EFNA3: variants seen among roughly 807,000 people sequenced by gnomAD.
EFNA3 encodes ephrin A3, also known as ephrin-A3.
A neutral mutation model predicts 25.0 loss-of-function variants in EFNA3; 15 were observed. That is an observed-to-expected ratio of 0.60 (90% confidence interval 0.40 to 0.92). The LOEUF is 0.92. Among genes scored for constraint, EFNA3 ranks in the 40% least tolerant of loss-of-function variants. The pLI is 0.00. For synonymous variants in EFNA3, 153 were observed against 145.6 expected (o/e 1.05, Z -0.37); for missense variants, 298 against 323.8 (o/e 0.92, Z 0.61).
Position 155,086,527 on chromosome 1 carries a change from C to G in EFNA3, c.701C>G (p.Thr234Arg). 6.2e-7 allele frequency: 1 copy of G among 1,613,840 alleles called. No homozygotes were observed. Among genetic ancestry groups the G allele is most frequent in the South Asian group, 1.1e-5 (1 of 91,072 alleles). ...GTGGGCATCGCCTTCTTCCTCATGA[C>G]GTTCTTGGCCTCCTAGCTCTGCCCC... ...LAVGIAFFLMTFLAS is the reference protein window; with the variant it reads ...LAVGIAFFLMRFLAS The change falls in exon 5 of 5, where the codon ACG becomes AGG. Residue 234 changes from threonine to arginine, a missense_variant. Thr to Arg is a moderately conservative substitution (Grantham distance 71). Coordinates refer to ENST00000368408, the MANE Select transcript of EFNA3 (RefSeq NM_004952.5).
rs548217606 is a variant in EFNA3, at chr1:155,079,565, G to A, written c.128+496G>A. ...GCACCTCCCTAGAAGGAAGGCGAAT[G>A]GGTTGTCTTGGTTGTGTGGATAAGC... On this transcript the variant is annotated intron_variant, in intron 1 of 4. Coordinates refer to ENST00000368408, the MANE Select transcript of EFNA3 (RefSeq NM_004952.5). This position sits in a 1 kb window ranked among gnomAD's most constrained non-coding sequence, Gnocchi z 7.7. 6.6e-6 allele frequency among the ~76,000 whole-genome samples: 1 copy of A among 152,280 alleles called. No individual in the cohort carries two copies. The highest frequency in any genetic ancestry group is 2.4e-5 in the African/African-American group (1 of 41,558).
At chr1:155,086,103 T>TGCCC in intron 3 of EFNA3, 25 bp from the exon 4 acceptor site, 268 of 1,576,846 alleles carry the variant, frequency 1.7e-4, no homozygotes, top group Non-Finnish European at 2.2e-4. Context: ...CCCTCCTCTC[T>TGCCC]CCCCACCCGC....
chr1:155,085,741 G>A lies in EFNA3; in HGVS notation c.443-136G>A, dbSNP rs1663441355. 1 of 1,020,206 alleles carries A rather than the reference G, an allele frequency of 9.8e-7. No homozygotes were observed. Among genetic ancestry groups the A allele is most frequent in the Non-Finnish European group, 1.5e-6 (1 of 687,138 alleles). 63.2% of individuals were successfully genotyped at this position (1,020,206 alleles called of 1,614,324 possible). A position where few individuals can be genotyped will look rare whatever the true frequency, so the allele number is the denominator to read the frequency against. ...GCCGACGGCAGAGCTAAAGTGACCC[G>A]TGTCCAAAGGGTAGGGGAGCTCCTG... On this transcript the variant is annotated intron_variant, in intron 2 of 4. Transcript: ENST00000368408. This position sits in a 1 kb window ranked among gnomAD's most constrained non-coding sequence, Gnocchi z 4.4.
At position 155,080,967 on chromosome 1, in the gene EFNA3, GGA is replaced by G. The variant is rs1663331758; in HGVS notation, c.128+1902_128+1903del. ...AGCGACGTGCTCCGGAGCCGAGAAT[GGA>G]GAGGGCCGGGGAGCTGGGGGCGGGG... On this transcript the variant is annotated intron_variant, in intron 1 of 4. Transcript: ENST00000368408. The surrounding 1 kb of genome is among the most constrained non-coding windows in gnomAD (Gnocchi z 7.0). Among the ~76,000 whole-genome samples the G allele has an allele frequency of 6.6e-6, 1 of 152,080 alleles. No homozygotes were observed. Among genetic ancestry groups the G allele is most frequent in the South Asian group, 2.1e-4 (1 of 4,818 alleles).
Position 155,086,561 on chromosome 1 carries a change from G to GT in EFNA3, c.*18_*19insT, listed in dbSNP as rs777341003. 3.9e-5 allele frequency: 63 copies of GT among 1,612,054 alleles called. No homozygotes were observed. The African/African-American group carries it at 7.2e-4, about 18-fold the overall frequency. The stretch of plus-strand genomic sequence containing the variant: ...CCTCCTAGCTCTGCCCCCTCCCCTG[G>GT]GGGGGGAGAGATGGGGCGGGGCTTG... On this transcript the variant is annotated 3_prime_UTR_variant, in exon 5 of 5. Transcript: ENST00000368408.
intron 4 of EFNA3, 55 bp from the exon 5 acceptor site, chr1:155,086,358 C>A: frequency 6.2e-7 from 1 of 1,606,440 alleles, no homozygotes; most frequent in Non-Finnish European, 8.5e-7. Context: ...GCCGCGTGCC[C>A]CTGCCCTGGC....
rs1041348185 is a variant in EFNA3, at chr1:155,080,154, C to G, written c.128+1085C>G. On this transcript the variant is annotated intron_variant, in intron 1 of 4. Coordinates refer to ENST00000368408, the MANE Select transcript of EFNA3 (RefSeq NM_004952.5). The surrounding 1 kb of genome is among the most constrained non-coding windows in gnomAD (Gnocchi z 7.0). Reference sequence around the variant, plus strand: ...CGCGGGGGTCACTGTCACACCTGCCCGGGCGGTGGCGGCAGCACTGCCTCT... The same window carrying G: ...CGCGGGGGTCACTGTCACACCTGCCGGGGCGGTGGCGGCAGCACTGCCTCT... 3.9e-5 allele frequency among the ~76,000 whole-genome samples: 6 copies of G among 152,236 alleles called. No individual in the cohort carries two copies. The highest frequency in any genetic ancestry group is 6.8e-3 in the Middle Eastern group (2 of 294).
Position 155,081,884 on chromosome 1 carries a change from C to T in EFNA3, c.128+2815C>T, listed in dbSNP as rs1447208863. On this transcript the variant is annotated intron_variant, in intron 1 of 4. Coordinates refer to ENST00000368408, the MANE Select transcript of EFNA3 (RefSeq NM_004952.5). This position sits in a 1 kb window ranked among gnomAD's most constrained non-coding sequence, Gnocchi z 5.2. ...TCACTCCGTCTCTGTGTCTCGCTTT[C>T]GGCAGGTCTCTCGCTCCTCTCCGCC... Among the ~76,000 whole-genome samples, 2 of 152,236 alleles carry T rather than the reference C, an allele frequency of 1.3e-5. No homozygotes were observed. The highest frequency in any genetic ancestry group is 2.9e-5 in the Non-Finnish European group (2 of 68,044).
chr1:155,086,103 T>TCCCCCCCCCCACCCCCCCCCCC, intron 3 of EFNA3, 25 bp from the exon 4 acceptor site: 1 of 1,577,732 alleles, frequency 6.3e-7, no homozygotes, highest in Non-Finnish European at 8.7e-7. Context: ...CCCTCCTCTC[T>TCCCCCCCCCCACCCCCCCCCCC]CCCCACCCGC....
rs1315049312 is a variant in EFNA3, at chr1:155,085,846, G to A, written c.443-31G>A. 1 of 1,610,828 alleles carries A rather than the reference G, an allele frequency of 6.2e-7. No individual in the cohort carries two copies. On this transcript the variant is annotated intron_variant, in intron 2 of 4. Coordinates refer to ENST00000368408, the MANE Select transcript of EFNA3 (RefSeq NM_004952.5). The surrounding 1 kb of genome is among the most constrained non-coding windows in gnomAD (Gnocchi z 4.4). Reference sequence around the variant, plus strand: ...GGGAGGGCACAGGCACACATTGGGCGAAAGTGACTCAGGCCCGGTCTCCTC... The same window carrying A: ...GGGAGGGCACAGGCACACATTGGGCAAAAGTGACTCAGGCCCGGTCTCCTC...
Position 155,079,709 on chromosome 1 carries a change from TCACA to T in EFNA3, c.128+644_128+647del, listed in dbSNP as rs1663304629. Among the ~76,000 whole-genome samples the T allele has an allele frequency of 6.6e-6, 1 of 152,114 alleles. No homozygotes were observed. Among genetic ancestry groups the T allele is most frequent in the Non-Finnish European group, 1.5e-5 (1 of 67,946 alleles). ...AAGGCGGCAGAGAGATGTCGGTGTGTCACACACGCACACACACGCCCGGGCTGGG... is the reference window on the plus strand; with the variant it reads ...AAGGCGGCAGAGAGATGTCGGTGTGTCACGCACACACACGCCCGGGCTGGG... On this transcript the variant is annotated intron_variant, in intron 1 of 4. Transcript: ENST00000368408. The surrounding 1 kb of genome is among the most constrained non-coding windows in gnomAD (Gnocchi z 7.7).
Position 155,081,732 on chromosome 1 carries a change from C to G in EFNA3, c.128+2663C>G, listed in dbSNP as rs1467524515. ...CCTGTCTCTCCTGTTCTCCAAGACT[C>G]TCGGTTCTCGTTCTCTTCCCTGCCT... On this transcript the variant is annotated intron_variant, in intron 1 of 4. Transcript: ENST00000368408. The surrounding 1 kb of genome is among the most constrained non-coding windows in gnomAD (Gnocchi z 5.2). 6.6e-6 allele frequency among the ~76,000 whole-genome samples: 1 copy of G among 152,136 alleles called. No individual in the cohort carries two copies. The highest frequency in any genetic ancestry group is 1.5e-5 in the Non-Finnish European group (1 of 68,018).
rs991179004 is a variant in EFNA3, at chr1:155,080,392, G to A, written c.128+1323G>A. Among the ~76,000 whole-genome samples, 3 of 152,234 alleles carry A rather than the reference G, an allele frequency of 2.0e-5. No homozygotes were observed. The highest frequency in any genetic ancestry group is 2.1e-4 in the South Asian group (1 of 4,826). On this transcript the variant is annotated intron_variant, in intron 1 of 4. Coordinates refer to ENST00000368408, the MANE Select transcript of EFNA3 (RefSeq NM_004952.5). The surrounding 1 kb of genome is among the most constrained non-coding windows in gnomAD (Gnocchi z 7.0). Reference sequence around the variant, plus strand: ...CTGGGGGTGGGGATGAGCCAACGACGCCCCCCTCTCGCTTCCCATGGAAAC... The same window carrying A: ...CTGGGGGTGGGGATGAGCCAACGACACCCCCCTCTCGCTTCCCATGGAAAC...
rs1571664537 is a variant in EFNA3, at chr1:155,085,549, G to A, written c.442+145G>A. The A allele has an allele frequency of 9.8e-7, 1 of 1,024,732 alleles. No homozygotes were observed. The highest frequency in any genetic ancestry group is 1.4e-6 in the Non-Finnish European group (1 of 722,846). The allele number at this position is 1,024,732 out of a possible 1,614,324, so 63.5% of individuals were successfully genotyped here. ...GACCAGGGAGGAGGCGTGGGCACGGGACGCCTGAGGGGTTCAGCTCAGACG... is the reference window on the plus strand; with the variant it reads ...GACCAGGGAGGAGGCGTGGGCACGGAACGCCTGAGGGGTTCAGCTCAGACG... On this transcript the variant is annotated intron_variant, in intron 2 of 4. Coordinates refer to ENST00000368408, the MANE Select transcript of EFNA3 (RefSeq NM_004952.5). This position sits in a 1 kb window ranked among gnomAD's most constrained non-coding sequence, Gnocchi z 4.4.
chr1:155,086,707 C>T lies in EFNA3; in HGVS notation c.*164C>T, dbSNP rs1383833329. 2.4e-6 allele frequency: 2 copies of T among 845,408 alleles called. No homozygotes were observed. Among genetic ancestry groups the T allele is most frequent in the East Asian group, 2.7e-5 (1 of 37,218 alleles). The allele number at this position is 845,408 out of a possible 1,614,324, so 52.4% of individuals were successfully genotyped here. A position where few individuals can be genotyped will look rare whatever the true frequency, so the allele number is the denominator to read the frequency against. ...TGTCCGCCCCCTCTACCCCTTCCCCCCACGTAGGGCACTGTAGTGGACCAA... is the reference window on the plus strand; with the variant it reads ...TGTCCGCCCCCTCTACCCCTTCCCCTCACGTAGGGCACTGTAGTGGACCAA... On this transcript the variant is annotated 3_prime_UTR_variant, in exon 5 of 5. Coordinates refer to ENST00000368408, the MANE Select transcript of EFNA3 (RefSeq NM_004952.5).
At position 155,078,856 on chromosome 1, in the gene EFNA3, A is replaced by ACGG. The variant is rs1663281132; in HGVS notation, c.-78_-76dup. The stretch of plus-strand genomic sequence containing the variant: ...GGGCGTGGCCTAAGGCTGGGGGCCG[A>ACGG]CGGCGGCGGCAGCAGGGAGCTGGGA... On this transcript the variant is annotated 5_prime_UTR_variant, in exon 1 of 5. Coordinates refer to ENST00000368408, the MANE Select transcript of EFNA3 (RefSeq NM_004952.5). 5.4e-6 allele frequency: 7 copies of ACGG among 1,296,936 alleles called. No homozygotes were observed. Among genetic ancestry groups the ACGG allele is most frequent in the Non-Finnish European group, 6.8e-6 (7 of 1,024,318 alleles). 80.3% of individuals were successfully genotyped at this position (1,296,936 alleles called of 1,614,324 possible).
At position 155,086,883 on chromosome 1, in the gene EFNA3, G is replaced by A. The variant is rs1289141086; in HGVS notation, c.*340G>A. 5 of 262,342 alleles carry A rather than the reference G, an allele frequency of 1.9e-5. No homozygotes were observed. Among genetic ancestry groups the A allele is most frequent in the Non-Finnish European group, 3.0e-5 (4 of 133,970 alleles). The allele number at this position is 262,342 out of a possible 1,614,324, so 16.3% of individuals were successfully genotyped here. On this transcript the variant is annotated 3_prime_UTR_variant, in exon 5 of 5. Coordinates refer to ENST00000368408, the MANE Select transcript of EFNA3 (RefSeq NM_004952.5). ...TGCCCTCTCCCTTTGTCCCCCCAGA[G>A]AGACATATGCCCCCAGAGAGAGCAA...
intron 1 of EFNA3, among the ~76,000 whole-genome samples, chr1:155,082,509 C>T (rs1480601787): frequency 6.6e-6 from 1 of 152,182 alleles, no homozygotes; most frequent in Non-Finnish European, 1.5e-5. Context: ...CGCGGGCCGG[C>T]AGGGCACTGA....
At position 155,079,130 on chromosome 1, in the gene EFNA3, C is replaced by A; in HGVS notation, c.128+61C>A. ...CTCAGTGAGAGGGGGAGCCGGTGGG[C>A]CCGAGAAGTCCTGGGGGATCCCGGG... On this transcript the variant is annotated intron_variant, in intron 1 of 4. Transcript: ENST00000368408. This position sits in a 1 kb window ranked among gnomAD's most constrained non-coding sequence, Gnocchi z 7.7. The A allele has an allele frequency of 2.3e-6, 3 of 1,285,618 alleles. No homozygotes were observed. Among genetic ancestry groups the A allele is most frequent in the South Asian group, 2.7e-5 (1 of 37,110 alleles). The allele number at this position is 1,285,618 out of a possible 1,614,324, so 79.6% of individuals were successfully genotyped here.
Sources: allele counts gnomAD v4.1 joint callset (sites outside exome capture counted in the v4.1 genomes callset), GRCh38; gene constraint gnomAD v4.1.1; non-coding constraint Gnocchi (gnomAD v3.1); transcripts MANE v1.5; gene names NCBI Gene and HGNC (gene_info 2026-07-23, HGNC 2026-07-21).